MSRA: variants seen among roughly 807,000 people sequenced by gnomAD.
MSRA encodes mitochondrial peptide methionine sulfoxide reductase.
MSRA carries 54 observed loss-of-function variants against 31.3 expected under a neutral mutation model. The ratio of observed to expected loss-of-function variants is 1.73; its 90% CI spans 1.39 to 2.17. The LOEUF is 2.17. MSRA is among the 30% of genes most tolerant of loss of function. The pLI is 0.00. For missense variants in MSRA, 507 were observed against 300.9 expected (o/e 1.69, Z -5.07); for synonymous variants, 169 against 116.5 (o/e 1.45, Z -2.90).
intron 1 of MSRA, among the ~76,000 whole-genome samples, chr8:10,158,793 T>G (rs1008916924): frequency 2.6e-5 from 4 of 152,234 alleles, no homozygotes; most frequent in Non-Finnish European, 5.9e-5. Context: ...ATTTAACATT[T>G]TGAGGAACTT....
At chr8:10,417,178 C>A (rs1808511723) in intron 5 of MSRA, among the ~76,000 whole-genome samples, 1 of 152,148 alleles carries the variant, frequency 6.6e-6, no homozygotes, top group Non-Finnish European at 1.5e-5. Flanking sequence ...CCTTTCCCTC[C>A]CAATGAGTTC....
At chr8:10,104,474 G>A (rs1018709871) in intron 1 of MSRA, among the ~76,000 whole-genome samples, 1 of 152,064 alleles carries the variant, frequency 6.6e-6, no homozygotes, top group Admixed American at 6.6e-5. Context: ...GGTTTGATCT[G>A]GAAGGGCAGG....
chr8:10,108,978 C>G (rs747455157), intron 1 of MSRA, among the ~76,000 whole-genome samples: 8 of 152,188 alleles, frequency 5.3e-5, no homozygotes, highest in Non-Finnish European at 1.0e-4. Context: ...TCCTCCCTAC[C>G]TGGGCTAGTG....
At chr8:10,064,099 A>G (rs1262332929) in intron 1 of MSRA, among the ~76,000 whole-genome samples, 2 of 152,038 alleles carry the variant, frequency 1.3e-5, no homozygotes, top group Admixed American at 1.3e-4. Context: ...GGTGGTAGTC[A>G]TTTCCCCCGC....
chr8:10,075,025 C>T (rs898275808), intron 1 of MSRA, among the ~76,000 whole-genome samples: 1 of 152,186 alleles, frequency 6.6e-6, no homozygotes, highest in Admixed American at 6.5e-5. Context: ...ATTTGACCCT[C>T]CTTGCTTAGG....
At chr8:10,329,297 C>T (rs137885128) in intron 5 of MSRA, among the ~76,000 whole-genome samples, 1 of 152,200 alleles carries the variant, frequency 6.6e-6, no homozygotes, top group Non-Finnish European at 1.5e-5. Context: ...CTCTGCTCCC[C>T]CAGGGGCTCC....
rs76938152 is a variant in MSRA at position 10,060,971 on chromosome 8, A to G, written c.142+6313A>G. ...TAGAAAACAGTTTTCCTTTTAGAAA[A>G]GTTTTCCCCAATGTGTGATTAATTT... On this transcript the variant is annotated intron_variant, in intron 1 of 5. Transcript: ENST00000317173. 2.6e-5 allele frequency among the ~76,000 whole-genome samples: 4 copies of G among 152,284 alleles called. No individual in the cohort carries two copies. The South Asian group carries it at 8.3e-4, about 32-fold the overall frequency.
At chr8:10,361,263 C>T (rs559130270) in intron 5 of MSRA, among the ~76,000 whole-genome samples, 2 of 152,324 alleles carry the variant, frequency 1.3e-5, no homozygotes, top group African/African-American at 4.8e-5. Context: ...TAGCCAAGCT[C>T]AGTGACTGCC....
chr8:10,118,584 G>A (rs1450469863), intron 1 of MSRA, among the ~76,000 whole-genome samples: 2 of 151,924 alleles, frequency 1.3e-5, no homozygotes, highest in Non-Finnish European at 2.9e-5. Flanking sequence ...AAGCCATCTG[G>A]GTGTCCTCAT....
At chr8:10,100,105 G>A (rs1453127213) in intron 1 of MSRA, among the ~76,000 whole-genome samples, 1 of 152,178 alleles carries the variant, frequency 6.6e-6, no homozygotes, top group Non-Finnish European at 1.5e-5. Flanking sequence ...GGGAGCAAGG[G>A]TGAATGTGGG....
chr8:10,279,652 G>A (rs1305382924), intron 3 of MSRA, among the ~76,000 whole-genome samples: 6 of 152,180 alleles, frequency 3.9e-5, no homozygotes, highest in Non-Finnish European at 8.8e-5. Context: ...CAAAATGGTT[G>A]AGTATTAACA....
chr8:10,103,950 A>G (rs531271836), intron 1 of MSRA, among the ~76,000 whole-genome samples: 7 of 152,334 alleles, frequency 4.6e-5, no homozygotes, highest in East Asian at 3.9e-4. Context: ...CAGCGTATAC[A>G]TGTAGCCATA....
rs556408385 is a variant in MSRA at position 10,278,562 on chromosome 8, A to T, written c.332-22972A>T. ...TGGACGGAGAGCACATGGAGTGGGCACACCTATGGCCTGTAGGCCTTGGCT... is the reference window on the plus strand; with the variant it reads ...TGGACGGAGAGCACATGGAGTGGGCTCACCTATGGCCTGTAGGCCTTGGCT... On this transcript the variant is annotated intron_variant, in intron 3 of 5. Transcript: ENST00000317173. Among the ~76,000 whole-genome samples the T allele has an allele frequency of 4.6e-5, 7 of 152,350 alleles. No homozygotes were observed. The South Asian group carries it at 1.5e-3, about 32-fold the overall frequency.
intron 5 of MSRA, among the ~76,000 whole-genome samples, chr8:10,397,425 G>A (rs28714356): frequency 0.018 from 2,798 of 152,276 alleles, 87 homozygotes; most frequent in African/African-American, 0.064. Flanking sequence ...GCTGAAATGG[G>A]GGCCCTGGCA....
chr8:10,406,400 T>C (rs1807820862), intron 5 of MSRA, among the ~76,000 whole-genome samples: 2 of 152,254 alleles, frequency 1.3e-5, no homozygotes, highest in African/African-American at 2.4e-5. Flanking sequence ...ATTTTAGAGA[T>C]GAGCAAATCC....
At chr8:10,245,609 G>A (rs1359288077) in intron 3 of MSRA, among the ~76,000 whole-genome samples, 2 of 152,216 alleles carry the variant, frequency 1.3e-5, no homozygotes, top group Non-Finnish European at 2.9e-5. Flanking sequence ...AGTCAGCCTA[G>A]GCTGCTTTAC....
intron 2 of MSRA, among the ~76,000 whole-genome samples, chr8:10,236,994 A>G (rs774855551): frequency 1.3e-5 from 2 of 152,254 alleles, no homozygotes; most frequent in Non-Finnish European, 2.9e-5. Flanking sequence ...CCACATGTTA[A>G]CTAACCCTCT....
chr8:10,179,543 G>A (rs1238593524), intron 1 of MSRA, among the ~76,000 whole-genome samples: 2 of 152,198 alleles, frequency 1.3e-5, no homozygotes, highest in South Asian at 2.1e-4. Context: ...TTTGTGGAAT[G>A]GATGCTTTCT....
chr8:10,062,164 T>C (rs536419332), intron 1 of MSRA, among the ~76,000 whole-genome samples: 72 of 152,270 alleles, frequency 4.7e-4, no homozygotes, highest in African/African-American at 1.7e-3. Flanking sequence ...GGCTCCTGCA[T>C]GGGTCCCAGC....
Sources: gnomAD v4.1 joint callset for allele counts (sites outside exome capture counted in the v4.1 genomes callset) on GRCh38, gnomAD v4.1.1 for gene constraint, MANE v1.5 for transcripts, NCBI Gene and HGNC (gene_info 2026-07-23, HGNC 2026-07-21) for gene names.